POLR3B: variants seen among roughly 807,000 people sequenced by gnomAD.
The protein encoded by POLR3B is RNA polymerase III subunit B.
A neutral mutation model predicts 147.4 loss-of-function variants in POLR3B; 96 were observed. The ratio of observed to expected loss-of-function variants is 0.65; its 90% confidence interval spans 0.55 to 0.77. The LOEUF (loss-of-function observed/expected upper bound fraction) is 0.77, where lower values mean the gene tolerates loss of function less well. Ranked by LOEUF, POLR3B falls within the 30% of genes least tolerant of loss-of-function variation. The probability of loss-of-function intolerance (pLI) is 0.00; values close to 1 mark genes in which losing one functional copy is unlikely to be tolerated. For missense variants in POLR3B, 1,036 were observed against 1,413.5 expected (o/e 0.73, Z 4.28); for synonymous variants, 461 against 485.9 (o/e 0.95, Z 0.67).
rs774847482 is a variant in POLR3B at position 106,504,435 on chromosome 12, C to T, written c.3272+181C>T. 1.3e-5 allele frequency among the ~76,000 whole-genome samples: 2 copies of T among 152,212 alleles called. No homozygotes were observed. The highest frequency in any genetic ancestry group is 2.9e-5 in the Non-Finnish European group (2 of 68,034). ...TCTGTGTACATGTCTCATTTGTCTACATCATGATCTACTTCCTACACAACT... is the reference window on the plus strand; with the variant it reads ...TCTGTGTACATGTCTCATTTGTCTATATCATGATCTACTTCCTACACAACT... On this transcript the variant is annotated intron_variant, in intron 27 of 27. Transcript: ENST00000228347. The surrounding 1 kb of genome is among the most constrained non-coding windows in gnomAD (Gnocchi z 4.6).
intron 22 of POLR3B, among the ~76,000 whole-genome samples, chr12:106,462,402 T>C (rs1414912395): frequency 1.3e-5 from 2 of 152,156 alleles, no homozygotes; most frequent in African/African-American, 4.8e-5. Flanking sequence ...GGCATGCCAC[T>C]ATGCCCGGCT....
chr12:106,464,992 A>G (rs1412757881), intron 23 of POLR3B, among the ~76,000 whole-genome samples: 3 of 152,190 alleles, frequency 2.0e-5, no homozygotes, highest in Non-Finnish European at 4.4e-5. Context: ...GTTAATGTGA[A>G]TTTGACACCT....
rs1473605427 is a variant in POLR3B, at chr12:106,504,601, T to C, written c.3272+347T>C. Among the ~76,000 whole-genome samples the C allele has an allele frequency of 2.6e-5, 4 of 152,212 alleles. No individual in the cohort carries two copies. The highest frequency in any genetic ancestry group is 1.3e-4 in the Admixed American group (2 of 15,280). On this transcript the variant is annotated intron_variant, in intron 27 of 27. Transcript: ENST00000228347. The surrounding 1 kb of genome is among the most constrained non-coding windows in gnomAD (Gnocchi z 4.6). Reference sequence around the variant, plus strand: ...ATCGCAGTGTGTTAAAGAAACTCTTTAGGGAAGATTACATCGAATGCTTTC... The same window carrying C: ...ATCGCAGTGTGTTAAAGAAACTCTTCAGGGAAGATTACATCGAATGCTTTC...
chr12:106,490,746 A>T lies in POLR3B; in HGVS notation c.2714-5309A>T, dbSNP rs569416773. Among the ~76,000 whole-genome samples, 245 of 152,318 alleles carry T rather than the reference A, an allele frequency of 1.6e-3. 1 individual carries two copies. The highest frequency in any genetic ancestry group is 2.5e-3 in the Non-Finnish European group (173 of 68,032). On this transcript the variant is annotated intron_variant, in intron 23 of 27. Coordinates refer to ENST00000228347, the MANE Select transcript of POLR3B (RefSeq NM_018082.6). ...CACCTGTGTTAGCCTTAACATTTTG[A>T]TTTAGAGATTTCATTTCTGAATGTA...
intron 23 of POLR3B, among the ~76,000 whole-genome samples, chr12:106,463,966 A>G (rs1408221212): frequency 6.6e-6 from 1 of 152,094 alleles, no homozygotes; most frequent in African/African-American, 2.4e-5. Context: ...TACATCTTTA[A>G]ACTACTATAT....
At chr12:106,401,420 C>G (rs1225012340) in intron 10 of POLR3B, among the ~76,000 whole-genome samples, 3 of 152,172 alleles carry the variant, frequency 2.0e-5, no homozygotes, top group Admixed American at 6.5e-5. Flanking sequence ...TGAAACTGTT[C>G]CAATCAATAG....
intron 19 of POLR3B, among the ~76,000 whole-genome samples, chr12:106,452,802 G>T (rs962610024): frequency 6.6e-6 from 1 of 152,116 alleles, no homozygotes; most frequent in African/African-American, 2.4e-5. Flanking sequence ...GTTTCAGTTT[G>T]ACTTGTTTTT....
intron 12 of POLR3B, among the ~76,000 whole-genome samples, chr12:106,420,792 A>G (rs1349799217): frequency 6.6e-6 from 1 of 152,158 alleles, no homozygotes; most frequent in Non-Finnish European, 1.5e-5. Context: ...TTACATTTAT[A>G]TGTTATGAAG....
chr12:106,444,303 T>G (rs2037693441), intron 18 of POLR3B, among the ~76,000 whole-genome samples, 160 bp from the exon 19 acceptor site: 1 of 152,228 alleles, frequency 6.6e-6, no homozygotes, highest in African/African-American at 2.4e-5. Flanking sequence ...TTACTGTATT[T>G]TATTTAAGTA....
At chr12:106,498,582 G>GTT (rs564316643) in intron 25 of POLR3B, among the ~76,000 whole-genome samples, 30,795 of 146,622 alleles carry the variant, frequency 0.21, 3,594 homozygotes, top group African/African-American at 0.26. Context: ...TTTGGGGTTT[G>GTT]TTTTTTTTGT....
intron 12 of POLR3B, among the ~76,000 whole-genome samples, chr12:106,413,529 C>G (rs569433450): frequency 3.9e-5 from 6 of 152,234 alleles, no homozygotes; most frequent in Admixed American, 3.9e-4. Flanking sequence ...CCTTGAATGG[C>G]ACAGAACCAT....
intron 23 of POLR3B, among the ~76,000 whole-genome samples, chr12:106,471,492 G>T (rs1186556696): frequency 6.6e-6 from 1 of 152,040 alleles, no homozygotes. Flanking sequence ...GCCAGTCCCA[G>T]TGAGATGAAC....
intron 23 of POLR3B, among the ~76,000 whole-genome samples, chr12:106,469,486 G>C (rs1486010833): frequency 2.6e-5 from 4 of 152,122 alleles, no homozygotes; most frequent in Non-Finnish European, 5.9e-5. Context: ...ATTTGATCCT[G>C]TCATTATGAT....
chr12:106,393,213 T>A, intron 10 of POLR3B, 60 bp downstream of exon 10: 1 of 1,605,502 alleles, frequency 6.2e-7, no homozygotes, highest in Middle Eastern at 1.7e-4. Flanking sequence ...ATGCTGCTCA[T>A]TGATAAAGCT....
chr12:106,365,674 C>G (rs934622535), intron 2 of POLR3B, among the ~76,000 whole-genome samples: 1 of 152,036 alleles, frequency 6.6e-6, no homozygotes, highest in Admixed American at 6.6e-5. Flanking sequence ...GCCTGGCCAA[C>G]ATGGTGTAAC....
chr12:106,467,931 C>T (rs1185521223), intron 23 of POLR3B, among the ~76,000 whole-genome samples: 1 of 152,132 alleles, frequency 6.6e-6, no homozygotes, highest in Non-Finnish European at 1.5e-5. Context: ...TATTGTATCT[C>T]TGCCAGATTT....
intron 23 of POLR3B, among the ~76,000 whole-genome samples, chr12:106,484,890 G>A (rs937539379): frequency 3.3e-5 from 5 of 152,080 alleles, no homozygotes; most frequent in African/African-American, 1.2e-4. Context: ...GGCCAGTCTG[G>A]CCAGGCATAT....
At chr12:106,460,807 T>C (rs2037923271) in intron 22 of POLR3B, among the ~76,000 whole-genome samples, 1 of 152,204 alleles carries the variant, frequency 6.6e-6, no homozygotes, top group Admixed American at 6.5e-5. Flanking sequence ...CTGTTTCCTA[T>C]TGATTCCTTC....
Position 106,427,290 on chromosome 12 carries a change from CAGTTTGATGT to C in POLR3B, c.1196_1205del (p.Gln399LeufsTer15). On this transcript the variant is annotated frameshift_variant, in exon 13 of 28. Transcript: ENST00000228347. LOFTEE classifies it high-confidence loss of function. ...GGTGATTCCTAAGCAAAGAGCAGCC[CAGTTTGATGT>C]TGTCAAACACATGCGCCAAGACCAG... The C allele has an allele frequency of 6.2e-7, 1 of 1,613,078 alleles. No individual in the cohort carries two copies. Among genetic ancestry groups the C allele is most frequent in the Non-Finnish European group, 8.5e-7 (1 of 1,179,442 alleles).
Sources: gnomAD v4.1 joint callset for allele counts (sites outside exome capture counted in the v4.1 genomes callset) on GRCh38, gnomAD v4.1.1 for gene constraint, Gnocchi (gnomAD v3.1) non-coding constraint, MANE v1.5 for transcripts, NCBI Gene and HGNC (gene_info 2026-07-23, HGNC 2026-07-21) for gene names.